SRFBP1: variants seen among roughly 807,000 people sequenced by gnomAD.
SRFBP1 encodes the protein serum response factor-binding protein 1.
A neutral mutation model predicts 45.5 loss-of-function variants in SRFBP1; 47 were observed. The ratio of observed to expected loss-of-function variants is 1.03; its 90% CI spans 0.82 to 1.32. The LOEUF is 1.32. Among genes scored for constraint, SRFBP1 ranks in the 40% most tolerant of loss-of-function variants. The pLI is 0.00. For missense variants in SRFBP1, 621 were observed against 484.6 expected, an observed-to-expected ratio of 1.28 and a Z score of -2.64; for synonymous variants, 203 against 166.3, an observed-to-expected ratio of 1.22 and a Z score of -1.70.
Position 121,975,310 on chromosome 5 carries a change from TGC to T in SRFBP1, c.126-4_126-3del, listed in dbSNP as rs529824974. 173 of 1,613,022 alleles carry T rather than the reference TGC, an allele frequency of 1.1e-4. 2 individuals carry two copies. In the African/African-American group the frequency reaches 2.2e-3, roughly 20 times the overall value. ...TGGCTACATATCGTAATGTATTTTT[TGC>T]AGGGGTACTGAAGATGCACTGTTAA... is the stretch of plus-strand genomic sequence containing the variant. On this transcript the variant is annotated splice_polypyrimidine_tract_variant and splice_region_variant and intron_variant, in intron 2 of 7. Coordinates refer to ENST00000339397, the MANE Select transcript of SRFBP1 (RefSeq NM_152546.3).
intron 1 of SRFBP1, among the ~76,000 whole-genome samples, chr5:121,970,393 G>A (rs1456194846): frequency 6.6e-6 from 1 of 152,064 alleles, no homozygotes; most frequent in African/African-American, 2.4e-5. Context: ...ATCATCTCAT[G>A]CACCTGCAAA....
chr5:122,003,985 A>T (rs114894647), intron 4 of SRFBP1, among the ~76,000 whole-genome samples: 4,338 of 152,142 alleles, frequency 0.029, 94 homozygotes, highest in Non-Finnish European at 0.042. Context: ...CCCACACTGG[A>T]GTGCAGTGGC....
chr5:122,056,027 T>G (rs144456930), intron 2 of SRFBP1, among the ~76,000 whole-genome samples: 1 of 152,290 alleles, frequency 6.6e-6, no homozygotes, highest in African/African-American at 2.4e-5. Context: ...CCAAGAGTGT[T>G]GAATAACAGG....
intron 4 of SRFBP1, among the ~76,000 whole-genome samples, chr5:121,995,772 T>TA (rs1387337467): frequency 6.6e-6 from 1 of 151,122 alleles, no homozygotes; most frequent in African/African-American, 2.4e-5. Context: ...CTAGCAAGAC[T>TA]AATAAAGAAA....
At chr5:121,982,563 A>C (rs1040120640) in intron 3 of SRFBP1, among the ~76,000 whole-genome samples, 2 of 152,000 alleles carry the variant, frequency 1.3e-5, no homozygotes, top group African/African-American at 4.8e-5. Flanking sequence ...TGTGAAAAAT[A>C]ACGATAGTAT....
At chr5:121,982,149 T>C (rs551652044) in intron 3 of SRFBP1, among the ~76,000 whole-genome samples, 1 of 152,100 alleles carries the variant, frequency 6.6e-6, no homozygotes, top group Admixed American at 6.6e-5. Context: ...CCTTAGCCAA[T>C]GCCCTGAGAC....
At position 121,998,147 on chromosome 5, in the gene SRFBP1, C is replaced by T. The variant is rs532551981; in HGVS notation, c.270+3477C>T. On this transcript the variant is annotated intron_variant, in intron 4 of 7. Coordinates refer to ENST00000339397, the MANE Select transcript of SRFBP1 (RefSeq NM_152546.3). The stretch of plus-strand genomic sequence containing the variant: ...CTAGAACTAGAAATACCATTTGACC[C>T]AGCCATCCCATTACTGGGTATATAC... Among the ~76,000 whole-genome samples the T allele has an allele frequency of 1.1e-3, 160 of 150,798 alleles. No individual in the cohort carries two copies. The East Asian group carries it at 0.024, about 22-fold the overall frequency.
At chr5:121,974,765 G>A (rs910901156) in intron 2 of SRFBP1, among the ~76,000 whole-genome samples, 1 of 151,606 alleles carries the variant, frequency 6.6e-6, no homozygotes, top group African/African-American at 2.4e-5. Flanking sequence ...ACAATATTTT[G>A]TATTTTCAGT....
intron 3 of SRFBP1, among the ~76,000 whole-genome samples, chr5:121,992,971 C>A (rs1448511389): frequency 2.0e-5 from 3 of 152,082 alleles, no homozygotes; most frequent in African/African-American, 4.8e-5. Flanking sequence ...GACCCAGGAG[C>A]CTCGTGTCTT....
chr5:121,963,542 T>C (rs1751995428), intron 1 of SRFBP1, among the ~76,000 whole-genome samples: 1 of 152,114 alleles, frequency 6.6e-6, no homozygotes, highest in Non-Finnish European at 1.5e-5. Flanking sequence ...TTAGCTAACT[T>C]TTGTTCTTCT....
At chr5:122,059,353 T>C (rs1580549787) in intron 2 of SRFBP1, among the ~76,000 whole-genome samples, 1 of 152,226 alleles carries the variant, frequency 6.6e-6, no homozygotes, top group Admixed American at 6.5e-5. Flanking sequence ...GAGGAAACTG[T>C]ACCATGTATG....
In SRFBP1 at chr5:122,027,876, A is replaced by G. The variant is rs1252156146; in HGVS notation, c.*750A>G. 1 of 152,196 alleles carries G rather than the reference A, an allele frequency of 6.6e-6. No homozygotes were observed. Among genetic ancestry groups the G allele is most frequent in the Non-Finnish European group, 1.5e-5 (1 of 68,040 alleles). 9.4% of individuals were successfully genotyped at this position (152,196 alleles called of 1,614,324 possible). On this transcript the variant is annotated 3_prime_UTR_variant, in exon 8 of 8. Coordinates refer to ENST00000339397, the MANE Select transcript of SRFBP1 (RefSeq NM_152546.3). ...TTGTTTAAATATAGCAATACAACCAATAATTTGTTTTATGTTTCACTGCAT... is the reference window on the plus strand; with the variant it reads ...TTGTTTAAATATAGCAATACAACCAGTAATTTGTTTTATGTTTCACTGCAT...
intron 3 of SRFBP1, among the ~76,000 whole-genome samples, chr5:121,981,035 C>T (rs1580504651): frequency 6.6e-6 from 1 of 152,100 alleles, no homozygotes; most frequent in African/African-American, 2.4e-5. Context: ...ATCTTCTTTC[C>T]TCCAAGTAAG....
intron 2 of SRFBP1, among the ~76,000 whole-genome samples, chr5:122,044,876 G>C (rs1753831119): frequency 6.6e-6 from 1 of 151,986 alleles, no homozygotes; most frequent in East Asian, 1.9e-4. Context: ...GGTCCTACTT[G>C]TCAATTTTTG....
At chr5:122,019,036 A>T (rs1307205482) in intron 4 of SRFBP1, among the ~76,000 whole-genome samples, 1 of 152,158 alleles carries the variant, frequency 6.6e-6, no homozygotes, top group Non-Finnish European at 1.5e-5. Flanking sequence ...TTTATTAATG[A>T]TTAAGTGATA....
intron 6 of SRFBP1, among the ~76,000 whole-genome samples, chr5:122,022,145 G>A (rs1753339504): frequency 6.6e-6 from 1 of 152,164 alleles, no homozygotes; most frequent in Non-Finnish European, 1.5e-5. Flanking sequence ...TAAAGGTGGT[G>A]AGGGAAATAG....
intron 7 of SRFBP1, among the ~76,000 whole-genome samples, chr5:122,023,924 C>T (rs1413712263): frequency 1.3e-5 from 2 of 152,098 alleles, no homozygotes; most frequent in Admixed American, 6.5e-5. Flanking sequence ...TTTTATTTTT[C>T]CCACTTCCCG....
intron 4 of SRFBP1, among the ~76,000 whole-genome samples, chr5:122,018,313 T>A (rs1164653353): frequency 6.6e-6 from 1 of 152,198 alleles, no homozygotes; most frequent in Non-Finnish European, 1.5e-5. Flanking sequence ...AGTTTAATTA[T>A]GTTGGTCCAG....
intron 7 of SRFBP1, among the ~76,000 whole-genome samples, chr5:122,024,769 A>G (rs1753441711): frequency 1.3e-5 from 2 of 152,198 alleles, no homozygotes; most frequent in South Asian, 2.1e-4. Context: ...AGACATACCT[A>G]CATTTTCACA....
Sources: gnomAD v4.1 joint callset for allele counts (sites outside exome capture counted in the v4.1 genomes callset) on GRCh38, gnomAD v4.1.1 for gene constraint, MANE v1.5 for transcripts, NCBI Gene and HGNC (gene_info 2026-07-23, HGNC 2026-07-21) for gene names.